Variants in CCSER1 observed in about 807,000 individuals in gnomAD.
CCSER1 encodes the protein coiled-coil serine rich protein 1, also known as serine-rich coiled-coil domain-containing protein 1.
CCSER1 carries 41 observed loss-of-function variants against 82.0 expected under a neutral mutation model. That is an observed-to-expected ratio of 0.50 (90% CI 0.39 to 0.65). The LOEUF (loss-of-function observed/expected upper bound fraction) is 0.65. Ranked by LOEUF, CCSER1 falls within the 30% of genes least tolerant of loss-of-function variation. The pLI is 0.00. For synonymous variants in CCSER1, 414 were observed against 383.9 expected, an observed-to-expected ratio of 1.08 and a Z score of -0.92; for missense variants, 1,119 against 1,064.2, an observed-to-expected ratio of 1.05 and a Z score of -0.72.
At chr4:90,976,733 T>G (rs2150411114) in intron 9 of CCSER1, among the ~76,000 whole-genome samples, 1 of 151,454 alleles carries the variant, frequency 6.6e-6, no homozygotes, top group Non-Finnish European at 1.5e-5. Context: ...CCAAAGAAAA[T>G]ATTTCTGGAG....
At chr4:91,338,885 A>T (rs1747509099) in intron 10 of CCSER1, among the ~76,000 whole-genome samples, 1 of 152,068 alleles carries the variant, frequency 6.6e-6, no homozygotes, top group Non-Finnish European at 1.5e-5. Flanking sequence ...AAAGCACAGA[A>T]TTTTTTGTTT....
At chr4:91,010,826 T>C (rs1393877941) in intron 9 of CCSER1, among the ~76,000 whole-genome samples, 1 of 134,714 alleles carries the variant, frequency 7.4e-6, no homozygotes, top group Non-Finnish European at 1.7e-5. Flanking sequence ...TTTTCTGGAT[T>C]TCATTAAATT....
chr4:91,050,865 T>C (rs1188358669), intron 9 of CCSER1, among the ~76,000 whole-genome samples: 1 of 152,208 alleles, frequency 6.6e-6, no homozygotes, highest in Non-Finnish European at 1.5e-5. Flanking sequence ...TAATTTTGAA[T>C]AGCTATCTCG....
At chr4:90,434,345 C>G (rs1758726248) in intron 4 of CCSER1, among the ~76,000 whole-genome samples, 1 of 151,996 alleles carries the variant, frequency 6.6e-6, no homozygotes, top group South Asian at 2.1e-4. Context: ...CTACCCTGCC[C>G]TGTTTTAAAA....
intron 4 of CCSER1, among the ~76,000 whole-genome samples, chr4:90,445,004 A>G (rs945119205): frequency 5.3e-5 from 8 of 152,010 alleles, no homozygotes; most frequent in African/African-American, 1.9e-4. Flanking sequence ...ATCACTGACT[A>G]GTAGTCATCA....
intron 7 of CCSER1, among the ~76,000 whole-genome samples, chr4:90,776,870 T>C (rs1333685077): frequency 6.6e-6 from 1 of 152,180 alleles, no homozygotes; most frequent in Admixed American, 6.5e-5. Context: ...CTCTCTCTTA[T>C]TGTTTCCTAT....
chr4:90,808,548 A>T (rs956345276), intron 7 of CCSER1, among the ~76,000 whole-genome samples: 2 of 152,142 alleles, frequency 1.3e-5, no homozygotes, highest in African/African-American at 4.8e-5. Flanking sequence ...AAGAAAAAAA[A>T]TAAATAATCC....
At chr4:90,460,462 C>A (rs1490591801) in intron 4 of CCSER1, among the ~76,000 whole-genome samples, 1 of 151,608 alleles carries the variant, frequency 6.6e-6, no homozygotes, top group Admixed American at 6.6e-5. Flanking sequence ...TGGCACACAG[C>A]GACAAAGTTA....
chr4:90,563,111 A>C (rs1778976520), intron 5 of CCSER1, among the ~76,000 whole-genome samples: 1 of 150,266 alleles, frequency 6.7e-6, no homozygotes, highest in Non-Finnish European at 1.5e-5. Flanking sequence ...TTCATTTAAC[A>C]AATTTTTATT....
intron 8 of CCSER1, among the ~76,000 whole-genome samples, chr4:90,881,783 T>C (rs891812629): frequency 5.3e-5 from 8 of 152,038 alleles, no homozygotes; most frequent in Non-Finnish European, 1.2e-4. Context: ...AGACCATGTC[T>C]CAAAAAGAAA....
At chr4:90,360,020 G>A (rs955963810) in intron 3 of CCSER1, among the ~76,000 whole-genome samples, 4 of 148,590 alleles carry the variant, frequency 2.7e-5, no homozygotes, top group African/African-American at 9.8e-5. Flanking sequence ...CCAGGTTAAA[G>A]CGATTCCCTG....
intron 9 of CCSER1, among the ~76,000 whole-genome samples, chr4:90,971,446 G>A (rs570711318): frequency 7.5e-4 from 114 of 151,904 alleles, no homozygotes; most frequent in Non-Finnish European, 1.3e-3. Flanking sequence ...TTCCAACCTT[G>A]GGGATTACAA....
intron 6 of CCSER1, among the ~76,000 whole-genome samples, chr4:90,638,986 C>T (rs1725977830): frequency 6.6e-6 from 1 of 151,894 alleles, no homozygotes; most frequent in South Asian, 2.1e-4. Context: ...TAATAACTAC[C>T]TCATAGGATT....
At position 91,376,956 on chromosome 4, in the gene CCSER1, G is replaced by A. The variant is rs990897012; in HGVS notation, c.2218-221616G>A. On this transcript the variant is annotated intron_variant, in intron 10 of 10. Coordinates refer to ENST00000509176, the MANE Select transcript of CCSER1 (RefSeq NM_001145065.2). ...GATGTTCCCCTTCCTGTGTCCAACTGTCCTCATTGTTCAATTCCCACCTAT... is the reference window on the plus strand; with the variant it reads ...GATGTTCCCCTTCCTGTGTCCAACTATCCTCATTGTTCAATTCCCACCTAT... 3.4e-5 allele frequency among the ~76,000 whole-genome samples: 5 copies of A among 148,170 alleles called. No individual in the cohort carries two copies. The East Asian group carries it at 8.0e-4, about 24-fold the overall frequency.
intron 9 of CCSER1, among the ~76,000 whole-genome samples, chr4:90,985,390 T>C (rs940096770): frequency 2.0e-5 from 3 of 151,704 alleles, no homozygotes; most frequent in Admixed American, 6.6e-5. Context: ...CTCTTAAATA[T>C]TTAATAAAAT....
chr4:90,499,114 ATGTG>A (rs3042129), intron 5 of CCSER1, among the ~76,000 whole-genome samples: 4 of 150,018 alleles, frequency 2.7e-5, no homozygotes, highest in South Asian at 2.1e-4. Flanking sequence ...GTATGTGTAT[ATGTG>A]TGTGTGTGTG....
intron 10 of CCSER1, among the ~76,000 whole-genome samples, chr4:91,267,327 A>G (rs987971063): frequency 1.3e-5 from 2 of 152,016 alleles, no homozygotes; most frequent in Admixed American, 6.6e-5. Context: ...TTTTTCTCTG[A>G]AAAGTATATC....
intron 5 of CCSER1, among the ~76,000 whole-genome samples, chr4:90,624,811 G>T (rs1223266697): frequency 6.6e-6 from 1 of 152,006 alleles, no homozygotes; most frequent in African/African-American, 2.4e-5. Flanking sequence ...ATAAAAACTT[G>T]GTTAGCACTC....
At chr4:91,443,902 C>T (rs1478604217) in intron 10 of CCSER1, among the ~76,000 whole-genome samples, 2 of 151,734 alleles carry the variant, frequency 1.3e-5, no homozygotes, top group South Asian at 2.1e-4. Context: ...TGGAATTCTT[C>T]CTAAAATTAG....
Sources: gnomAD v4.1 joint callset for allele counts (sites outside exome capture counted in the v4.1 genomes callset) on GRCh38, gnomAD v4.1.1 for gene constraint, MANE v1.5 for transcripts, NCBI Gene and HGNC (gene_info 2026-07-23, HGNC 2026-07-21) for gene names.